PRADC1: variants seen among roughly 807,000 people sequenced by gnomAD.
PRADC1 encodes the protein protease associated domain containing 1.
In PRADC1, 23 loss-of-function variants were observed where a neutral mutation model predicts 22.9. The observed-to-expected ratio is 1.00, with a 90% CI of 0.72 to 1.42. The LOEUF (loss-of-function observed/expected upper bound fraction) is 1.42, where lower values mean the gene tolerates loss of function less well. PRADC1 is among the 40% of genes most tolerant of loss of function. The pLI is 0.00. For synonymous variants in PRADC1, 71 were observed against 100.3 expected (o/e 0.71, Z 1.75); for missense variants, 207 against 258.3 (o/e 0.80, Z 1.36).
In PRADC1 at chr2:73,233,114, G is replaced by C; in HGVS notation, c.47C>G (p.Pro16Arg). 2 of 1,545,544 alleles carry C rather than the reference G, an allele frequency of 1.3e-6. No homozygotes were observed. Among genetic ancestry groups the C allele is most frequent in the Non-Finnish European group, 1.7e-6 (2 of 1,155,380 alleles). Residue 16 changes from proline to arginine, a missense_variant, in exon 1 of 5, where the codon CCC becomes CGC. By Grantham distance (103) the Pro-to-Arg change is moderately radical. Coordinates refer to ENST00000258083, the MANE Select transcript of PRADC1 (RefSeq NM_032319.3). ...CTCACCGTGGGCCGCGACGCACGCG[G>C]GGAGCCAGAGCACGAGACAACACCA... ...AGWCCLVLWL[P>R]ACVAAHGFRI...
Position 73,228,604 on chromosome 2 carries a change from G to T in PRADC1, c.447-30C>A. The T allele has an allele frequency of 6.2e-7, 1 of 1,613,778 alleles. No individual in the cohort carries two copies. On this transcript the variant is annotated intron_variant, in intron 4 of 4. Transcript: ENST00000258083. This position sits in a 1 kb window ranked among gnomAD's most constrained non-coding sequence, Gnocchi z 4.0. ...GAGGGCATGAAGAGAGGTGGTGACG[G>T]TCACTTTCTTGGTACCCCATCATGC... is the stretch of plus-strand genomic sequence containing the variant.
At chr2:73,229,401 T>G (rs916288035) in intron 3 of PRADC1, 60 bp downstream of exon 3, 2 of 1,123,028 alleles carry the variant, frequency 1.8e-6, no homozygotes, top group Non-Finnish European at 2.6e-6. Flanking sequence ...CTACTACCAA[T>G]AATCTCAGAA....
At chr2:73,229,394 C>T (rs1686583904) in intron 3 of PRADC1, 67 bp downstream of exon 3, 2 of 1,108,962 alleles carry the variant, frequency 1.8e-6, no homozygotes, top group African/African-American at 1.5e-5. Context: ...CAAAGCACTA[C>T]TACCAATAAT....
At chr2:73,229,885 T>A (rs753581117) in intron 2 of PRADC1, 162 of 587,414 alleles carry the variant, frequency 2.8e-4, no homozygotes, top group Non-Finnish European at 2.2e-4. Context: ...GGCTTTTCAC[T>A]TCATGTCCCC....
chr2:73,229,692 C>T, intron 2 of PRADC1, 122 bp from the exon 3 acceptor site: 1 of 751,646 alleles, frequency 1.3e-6, no homozygotes, highest in Non-Finnish European at 2.3e-6. Flanking sequence ...GGAGTGGTTT[C>T]TGTATCGCCA....
At chr2:73,232,996 C>T in intron 1 of PRADC1, 98 bp downstream of exon 1, 1 of 1,386,174 alleles carries the variant, frequency 7.2e-7, no homozygotes, top group Non-Finnish European at 9.7e-7. Context: ...TCTGAACTCG[C>T]AGGGTCCCCA....
chr2:73,228,593 A>T lies in PRADC1; in HGVS notation c.447-19T>A, dbSNP rs1365677066. The T allele has an allele frequency of 6.2e-7, 1 of 1,613,876 alleles. No homozygotes were observed. The highest frequency in any genetic ancestry group is 8.5e-7 in the Non-Finnish European group (1 of 1,180,016). The stretch of plus-strand genomic sequence containing the variant: ...CATGTAGCTGGGAGGGCATGAAGAG[A>T]GGTGGTGACGGTCACTTTCTTGGTA... On this transcript the variant is annotated intron_variant, in intron 4 of 4. Coordinates refer to ENST00000258083, the MANE Select transcript of PRADC1 (RefSeq NM_032319.3). The surrounding 1 kb of genome is among the most constrained non-coding windows in gnomAD (Gnocchi z 4.0).
chr2:73,229,751 C>A, intron 2 of PRADC1, 181 bp from the exon 3 acceptor site: 1 of 608,234 alleles, frequency 1.6e-6, no homozygotes, highest in Non-Finnish European at 2.9e-6. Context: ...ATCTGGTTGT[C>A]CTACACCACC....
chr2:73,232,336 C>CAA (rs70965721), intron 1 of PRADC1, among the ~76,000 whole-genome samples: 2 of 129,124 alleles, frequency 1.5e-5, no homozygotes, highest in African/African-American at 2.8e-5. Context: ...GACTCCGTCT[C>CAA]AAAAAAAAAA....
At position 73,228,974 on chromosome 2, in the gene PRADC1, G is replaced by T; in HGVS notation, c.279-12C>A. ...GGAAGGAGCAGCCCCTGGAAGAGGT[G>T]GTGATAAGACCAAAGGAAAGACAGG... On this transcript the variant is annotated splice_polypyrimidine_tract_variant and intron_variant, in intron 3 of 4. Coordinates refer to ENST00000258083, the MANE Select transcript of PRADC1 (RefSeq NM_032319.3). The surrounding 1 kb of genome is among the most constrained non-coding windows in gnomAD (Gnocchi z 4.0). 2 of 1,613,106 alleles carry T rather than the reference G, an allele frequency of 1.2e-6. No homozygotes were observed. The highest frequency in any genetic ancestry group is 1.7e-6 in the Non-Finnish European group (2 of 1,179,778).
At chr2:73,232,099 G>A (rs1295467444) in intron 1 of PRADC1, among the ~76,000 whole-genome samples, 1 of 152,154 alleles carries the variant, frequency 6.6e-6, no homozygotes, top group Non-Finnish European at 1.5e-5. Context: ...ACTTTGGGAG[G>A]CCGAGGCGGG....
chr2:73,232,941 C>T (rs1353971152), intron 1 of PRADC1, among the ~76,000 whole-genome samples, 153 bp downstream of exon 1: 4 of 152,166 alleles, frequency 2.6e-5, no homozygotes, highest in Admixed American at 2.6e-4. Context: ...TGTCCTTGGA[C>T]CACCACCCAC....
In PRADC1 at chr2:73,228,671, C is replaced by G. The variant is rs1686567401; in HGVS notation, c.447-97G>C. The G allele has an allele frequency of 1.3e-6, 2 of 1,596,492 alleles. No homozygotes were observed. The highest frequency in any genetic ancestry group is 1.7e-6 in the Non-Finnish European group (2 of 1,168,984). On this transcript the variant is annotated intron_variant, in intron 4 of 4. Transcript: ENST00000258083. This position sits in a 1 kb window ranked among gnomAD's most constrained non-coding sequence, Gnocchi z 4.0. The stretch of plus-strand genomic sequence containing the variant: ...ATCTGGGAGTTCCAAAGCCCGAGAT[C>G]TTTTTTTGCCCTCTAACTGAAGCAC...
rs750165756 is a variant in PRADC1 at position 73,229,464 on chromosome 2, C to A, written c.275G>T (p.Arg92Met). The A allele has an allele frequency of 6.2e-7, 1 of 1,611,938 alleles. No individual in the cohort carries two copies. ...GTCCTGCCTGCCCACTCCTTACCCC[C>A]TCTCCACCAGAGCAATCTGGTCCTG... The part of the protein sequence containing the change: ...FIQDQIALVE[R>M]GGCSFLSKTR... Residue 92 changes from arginine to methionine, a missense_variant, in exon 3 of 5, where the codon AGG becomes ATG. Transcript: ENST00000258083.
intron 1 of PRADC1, among the ~76,000 whole-genome samples, chr2:73,231,625 G>A (rs1312500510): frequency 2.0e-5 from 3 of 150,050 alleles, no homozygotes; most frequent in Non-Finnish European, 4.4e-5. Flanking sequence ...TCGCCATGTT[G>A]ACCAGGCTGA....
chr2:73,228,783 A>G lies in PRADC1; in HGVS notation c.446+12T>C. 1 of 1,608,936 alleles carries G rather than the reference A, an allele frequency of 6.2e-7. No individual in the cohort carries two copies. The highest frequency in any genetic ancestry group is 1.1e-5 in the South Asian group (1 of 90,926). On this transcript the variant is annotated intron_variant, in intron 4 of 4. Transcript: ENST00000258083. This position sits in a 1 kb window ranked among gnomAD's most constrained non-coding sequence, Gnocchi z 4.0. ...CCTGGTGCTGATAAAGCCAGAGGCA[A>G]GGAGCCCTCACCCGTCTCGGCCGAG...
At position 73,229,489 on chromosome 2, in the gene PRADC1, G is replaced by C. The variant is rs889178506; in HGVS notation, c.250C>G (p.Gln84Glu). The change falls in exon 3 of 5, where the codon CAG becomes GAG. Residue 84 changes from glutamine (Q) to glutamate (E), a missense_variant. Physicochemically the swap from Gln to Glu is conservative, Grantham distance 29. Coordinates refer to ENST00000258083, the MANE Select transcript of PRADC1 (RefSeq NM_032319.3). ...CGELSNGFFI[Q>E]DQIALVERGG... ...CTCTCCACCAGAGCAATCTGGTCCT[G>C]GATGAAGAAACCGTTGCTGAGTTCC... 1.2e-6 allele frequency: 2 copies of C among 1,605,644 alleles called. No individual in the cohort carries two copies. The highest frequency in any genetic ancestry group is 1.7e-6 in the Non-Finnish European group (2 of 1,177,134).
chr2:73,228,125 G>T lies in PRADC1; in HGVS notation c.*329C>A. 2.8e-6 allele frequency: 1 copy of T among 358,616 alleles called. No homozygotes were observed. The allele number at this position is 358,616 out of a possible 1,614,324, so 22.2% of individuals were successfully genotyped here. ...GTGAAGGTCACTGTGCAGAGACCCT[G>T]GGTAGGGGAGGCTGGAGCCAGGTGA... On this transcript the variant is annotated 3_prime_UTR_variant, in exon 5 of 5. Coordinates refer to ENST00000258083, the MANE Select transcript of PRADC1 (RefSeq NM_032319.3). The surrounding 1 kb of genome is among the most constrained non-coding windows in gnomAD (Gnocchi z 4.0).
rs1686566035 is a variant in PRADC1, at chr2:73,228,632, C to T, written c.447-58G>A. ...ACTTTCTTGGTACCCCATCATGCCC[C>T]ACTGTCCCCATCAATCTGGGAGTTC... On this transcript the variant is annotated intron_variant, in intron 4 of 4. Coordinates refer to ENST00000258083, the MANE Select transcript of PRADC1 (RefSeq NM_032319.3). This position sits in a 1 kb window ranked among gnomAD's most constrained non-coding sequence, Gnocchi z 4.0. 17 of 1,611,580 alleles carry T rather than the reference C, an allele frequency of 1.1e-5. No homozygotes were observed. The highest frequency in any genetic ancestry group is 1.6e-4 in the Middle Eastern group (1 of 6,066).
Sources: gnomAD v4.1 joint callset for allele counts (sites outside exome capture counted in the v4.1 genomes callset) on GRCh38, gnomAD v4.1.1 for gene constraint, Gnocchi (gnomAD v3.1) non-coding constraint, MANE v1.5 for transcripts, NCBI Gene and HGNC (gene_info 2026-07-23, HGNC 2026-07-21) for gene names.